PTPRM: variants seen among roughly 807,000 people sequenced by gnomAD.
PTPRM encodes the protein receptor-type tyrosine-protein phosphatase mu.
PTPRM carries 47 observed loss-of-function variants against 186.7 expected under a neutral mutation model. That is an observed-to-expected ratio of 0.25 (90% CI 0.20 to 0.32). PTPRM has a LOEUF of 0.32. PTPRM is among the 10% of genes least tolerant of loss of function. PTPRM has a pLI of 1.00. For missense variants in PTPRM, 1,494 were observed against 1,865.0 expected (o/e 0.80, Z 3.66); for synonymous variants, 668 against 674.9 (o/e 0.99, Z 0.16).
At chr18:8,197,961 A>G (rs1345890161) in intron 14 of PTPRM, among the ~76,000 whole-genome samples, 1 of 152,160 alleles carries the variant, frequency 6.6e-6, no homozygotes, top group Non-Finnish European at 1.5e-5. Context: ...ATCATGGAGA[A>G]GGTGGGATGG....
At chr18:7,685,276 T>G (rs1229503122) in intron 1 of PTPRM, among the ~76,000 whole-genome samples, 1 of 152,220 alleles carries the variant, frequency 6.6e-6, no homozygotes, top group Non-Finnish European at 1.5e-5. Context: ...GCTGGCCTGA[T>G]GAACATCCTA....
chr18:7,934,972 C>T (rs984297823), intron 5 of PTPRM, among the ~76,000 whole-genome samples: 4 of 151,694 alleles, frequency 2.6e-5, no homozygotes, highest in South Asian at 2.1e-4. Flanking sequence ...CCTTGGCTTT[C>T]GTGTTATGGA....
At chr18:7,829,892 A>G (rs2045675218) in intron 2 of PTPRM, among the ~76,000 whole-genome samples, 1 of 151,978 alleles carries the variant, frequency 6.6e-6, no homozygotes, top group Non-Finnish European at 1.5e-5. Flanking sequence ...TGTGTGTGTC[A>G]GACATTTCAA....
At position 8,244,129 on chromosome 18, in the gene PTPRM, T is replaced by C; in HGVS notation, c.2372T>C (p.Met791Thr). The C allele has an allele frequency of 1.2e-6, 2 of 1,610,800 alleles. No individual in the cohort carries two copies. Among genetic ancestry groups the C allele is most frequent in the Non-Finnish European group, 1.7e-6 (2 of 1,178,972 alleles). Residue 791 changes from methionine to threonine, a missense_variant, in exon 15 of 33, where the codon ATG (methionine) becomes ACG (threonine). Met to Thr is a moderately conservative substitution (Grantham distance 81, BLOSUM62 -1). Around this residue, in one of 3 missense-constraint regions of PTPRM, gnomAD observed 1,107 missense variants for 1,350.2 expected, o/e 0.82. Transcript: ENST00000580170. Reference protein sequence around the residue: ...RQEMTVMVNSMDKSYAEQGTN... With the variant: ...RQEMTVMVNSTDKSYAEQGTN... The stretch of plus-strand genomic sequence containing the variant: ...GAGATGACTGTGATGGTGAACTCAA[T>C]GGACAAGAGCTATGCTGAGCAGGGC...
At position 7,949,300 on chromosome 18, in the gene PTPRM, G is replaced by T. The variant is rs763007928; in HGVS notation, c.783G>T (p.Met261Ile). Residue 261 changes from methionine (M) to isoleucine (I), a missense_variant, in exon 6 of 33, where the codon ATG becomes ATT. Physicochemically the swap from Met to Ile is conservative, Grantham distance 10. Coordinates refer to ENST00000580170, the MANE Select transcript of PTPRM (RefSeq NM_001105244.2). ...GAGATGCTGGAAAGTACCGCTGCAT[G>T]ATTCGCACTGAAGGAGGTGTTGGAA... ...TKRDAGKYRC[M>I]IRTEGGVGIS... The T allele has an allele frequency of 6.2e-7, 1 of 1,614,136 alleles. No homozygotes were observed. Among genetic ancestry groups the T allele is most frequent in the East Asian group, 2.2e-5 (1 of 44,874 alleles).
intron 1 of PTPRM, among the ~76,000 whole-genome samples, chr18:7,605,390 C>T (rs1458952281): frequency 6.6e-6 from 1 of 150,722 alleles, no homozygotes; most frequent in African/African-American, 2.5e-5. Flanking sequence ...TTATCACACT[C>T]ATTTTCTTTT....
At chr18:7,772,244 T>TTTTTCTTTTCTTTTC (rs71165751) in intron 1 of PTPRM, among the ~76,000 whole-genome samples, 4,884 of 140,114 alleles carry the variant, frequency 0.035, 238 homozygotes, top group African/African-American at 0.089. Context: ...GCTAAGATCT[T>TTTTTCTTTTCTTTTC]TTTTCTTTTC....
intron 1 of PTPRM, among the ~76,000 whole-genome samples, chr18:7,604,029 G>A (rs960136804): frequency 2.0e-5 from 3 of 152,318 alleles, no homozygotes; most frequent in Middle Eastern, 3.4e-3. Context: ...TACATAAGAT[G>A]TGCTGTTTTT....
intron 22 of PTPRM, among the ~76,000 whole-genome samples, chr18:8,325,833 C>T (rs906308617): frequency 8.5e-5 from 13 of 152,298 alleles, no homozygotes; most frequent in Admixed American, 4.6e-4. Context: ...CACAACCTCT[C>T]CAGCATCTGT....
At chr18:7,996,693 G>T (rs1044415684) in intron 7 of PTPRM, among the ~76,000 whole-genome samples, 1 of 151,730 alleles carries the variant, frequency 6.6e-6, no homozygotes, top group Non-Finnish European at 1.5e-5. Flanking sequence ...CAATAATGAT[G>T]CAGGGTACAA....
intron 7 of PTPRM, among the ~76,000 whole-genome samples, chr18:8,021,367 T>G (rs2085221582): frequency 6.6e-6 from 1 of 151,040 alleles, no homozygotes; most frequent in Non-Finnish European, 1.5e-5. Flanking sequence ...CACATATAAA[T>G]TTTACTTTAA....
At chr18:8,289,565 T>TATATATATACAC (rs1199950221) in intron 19 of PTPRM, among the ~76,000 whole-genome samples, 5 of 96,604 alleles carry the variant, frequency 5.2e-5, no homozygotes, top group African/African-American at 3.4e-4. Context: ...TATATACACA[T>TATATATATACAC]ATATATATAT....
At chr18:7,956,892 T>C (rs185342337) in intron 7 of PTPRM, among the ~76,000 whole-genome samples, 18 of 152,352 alleles carry the variant, frequency 1.2e-4, no homozygotes, top group African/African-American at 4.1e-4. Flanking sequence ...TACCACTGCC[T>C]TATGAATTCT....
intron 1 of PTPRM, among the ~76,000 whole-genome samples, chr18:7,673,533 A>C (rs551522958): frequency 7.2e-5 from 11 of 152,334 alleles, no homozygotes; most frequent in African/African-American, 2.6e-4. Flanking sequence ...ATGAAAACAC[A>C]GGAATCAACA....
Position 8,268,087 on chromosome 18 carries a change from A to G in PTPRM, c.2754+14673A>G, listed in dbSNP as rs570760393. On this transcript the variant is annotated intron_variant, in intron 19 of 32. Transcript: ENST00000580170. ...TTTTAGAATCACCAAGGCCATGGGAAACATGGACAATTCAGTCAGCGTTAG... is the reference window on the plus strand; with the variant it reads ...TTTTAGAATCACCAAGGCCATGGGAGACATGGACAATTCAGTCAGCGTTAG... Among the ~76,000 whole-genome samples, 25 of 152,266 alleles carry G rather than the reference A, an allele frequency of 1.6e-4. No homozygotes were observed. In the East Asian group the frequency reaches 1.7e-3, roughly 11 times the overall value.
chr18:7,962,117 T>C (rs1324544496), intron 7 of PTPRM, among the ~76,000 whole-genome samples: 1 of 152,210 alleles, frequency 6.6e-6, no homozygotes, highest in Non-Finnish European at 1.5e-5. Flanking sequence ...ATTTGTGATA[T>C]GCAGTTTTGT....
intron 1 of PTPRM, among the ~76,000 whole-genome samples, chr18:7,716,708 C>G (rs1365944080): frequency 6.6e-6 from 1 of 152,194 alleles, no homozygotes; most frequent in African/African-American, 2.4e-5. Flanking sequence ...GATATTGATG[C>G]AACCAATAAA....
intron 23 of PTPRM, 124 bp from the exon 24 acceptor site, chr18:8,370,766 T>C: frequency 1.8e-6 from 1 of 566,916 alleles, no homozygotes; most frequent in Admixed American, 2.9e-5. Context: ...TAGACCTTCC[T>C]CTTGAGTATA....
intron 19 of PTPRM, among the ~76,000 whole-genome samples, chr18:8,254,784 A>G (rs956741212): frequency 6.6e-6 from 1 of 152,234 alleles, no homozygotes; most frequent in Non-Finnish European, 1.5e-5. Flanking sequence ...AAAGCAACAC[A>G]TGGTACCACT....
Sources: gnomAD v4.1 joint callset for allele counts (sites outside exome capture counted in the v4.1 genomes callset) on GRCh38, gnomAD v4.1.1 for gene constraint, gnomAD v4.1.1 regional missense constraint, MANE v1.5 for transcripts, NCBI Gene and HGNC (gene_info 2026-07-23, HGNC 2026-07-21) for gene names.